The following DLC1 variants were observed in gnomAD, a reference collection of about 807,000 sequenced individuals.
DLC1 encodes the protein DLC1 Rho GTPase activating protein, also known as rho GTPase-activating protein 7.
A neutral mutation model predicts 140.3 loss-of-function variants in DLC1; 54 were observed. The observed-to-expected ratio is 0.38, with a 90% confidence interval of 0.31 to 0.48. The LOEUF is 0.48. DLC1 is among the 20% of genes least tolerant of loss of function. DLC1 has a pLI of 0.96. For synonymous variants in DLC1, 986 were observed against 728.1 expected, an observed-to-expected ratio of 1.35 and a Z score of -5.70; for missense variants, 2,536 against 1,907.0, an observed-to-expected ratio of 1.33 and a Z score of -6.14.
At chr8:13,152,689 C>G (rs1585781919) in intron 5 of DLC1, among the ~76,000 whole-genome samples, 1 of 151,772 alleles carries the variant, frequency 6.6e-6, no homozygotes, top group South Asian at 2.1e-4. Flanking sequence ...GGCCCATAGT[C>G]CCAGCTACTG....
At chr8:13,300,764 T>G (rs1468276704) in intron 5 of DLC1, among the ~76,000 whole-genome samples, 2 of 152,184 alleles carry the variant, frequency 1.3e-5, no homozygotes, top group Non-Finnish European at 1.5e-5. Context: ...CAGTTTAATT[T>G]TACTCTGTGG....
chr8:13,602,590 G>A (rs1805925604), intron 1 of DLC1, among the ~76,000 whole-genome samples: 1 of 151,750 alleles, frequency 6.6e-6, no homozygotes, highest in East Asian at 1.9e-4. Context: ...AAACAAGAAT[G>A]ACTCTATGTG....
intron 2 of DLC1, among the ~76,000 whole-genome samples, chr8:13,431,619 T>C (rs1286357745): frequency 6.6e-6 from 1 of 150,592 alleles, no homozygotes; most frequent in Non-Finnish European, 1.5e-5. Flanking sequence ...ATGGCAAATA[T>C]GGCTACCTGA....
chr8:13,284,151 A>G (rs918607875), intron 5 of DLC1, among the ~76,000 whole-genome samples: 1 of 152,222 alleles, frequency 6.6e-6, no homozygotes, highest in African/African-American at 2.4e-5. Flanking sequence ...AATCCCCAGA[A>G]GAGTCAAATC....
chr8:13,316,189 G>T (rs1832853960), intron 4 of DLC1, among the ~76,000 whole-genome samples: 1 of 152,110 alleles, frequency 6.6e-6, no homozygotes, highest in Non-Finnish European at 1.5e-5. Flanking sequence ...CTCCCTACCA[G>T]CCACTTGATC....
chr8:13,567,093 T>C, intron 1 of DLC1: 1 of 1,551,752 alleles, frequency 6.4e-7, no homozygotes, highest in Non-Finnish European at 8.7e-7. Flanking sequence ...AGGTACAGAC[T>C]TCCAGCTCAT....
chr8:13,157,305 C>A (rs764379171), intron 5 of DLC1, among the ~76,000 whole-genome samples: 1 of 151,906 alleles, frequency 6.6e-6, no homozygotes, highest in South Asian at 2.1e-4. Flanking sequence ...TTTGAGTAGG[C>A]GGGGTTAGAG....
At chr8:13,288,652 A>G (rs1332674037) in intron 5 of DLC1, among the ~76,000 whole-genome samples, 1 of 152,208 alleles carries the variant, frequency 6.6e-6, no homozygotes, top group East Asian at 1.9e-4. Context: ...GCATCCTCAA[A>G]GGATGTGCCA....
chr8:13,193,713 G>C (rs1262738677), intron 5 of DLC1, among the ~76,000 whole-genome samples: 1 of 152,192 alleles, frequency 6.6e-6, no homozygotes. Flanking sequence ...GTGAAAGGAT[G>C]ATTCAACCTC....
At position 13,193,659 on chromosome 8, in the gene DLC1, A is replaced by C. The variant is rs566987179; in HGVS notation, c.1349-78002T>G. On this transcript the variant is annotated intron_variant, in intron 5 of 17. Transcript: ENST00000276297. ...ACGGAAGTTCATAGGAATATCTTCC[A>C]AAAAAGCTCTGGCCAGAACCAAAGG... Among the ~76,000 whole-genome samples the C allele has an allele frequency of 3.9e-5, 6 of 152,312 alleles. No homozygotes were observed. The East Asian group carries it at 9.7e-4, about 25-fold the overall frequency.
intron 2 of DLC1, among the ~76,000 whole-genome samples, chr8:13,450,475 AGG>A (rs1798989826): frequency 6.7e-6 from 1 of 149,264 alleles, no homozygotes; most frequent in African/African-American, 2.4e-5. Context: ...AAAAAAAAAA[AGG>A]CCGAAGAGAA....
intron 2 of DLC1, among the ~76,000 whole-genome samples, chr8:13,411,007 C>G (rs753083480): frequency 6.6e-6 from 1 of 152,176 alleles, no homozygotes; most frequent in Non-Finnish European, 1.5e-5. Context: ...AGAGCTGATT[C>G]TTGGAAAACG....
intron 2 of DLC1, among the ~76,000 whole-genome samples, chr8:13,419,533 T>C (rs1301900901): frequency 6.6e-6 from 1 of 152,208 alleles, no homozygotes; most frequent in Non-Finnish European, 1.5e-5. Flanking sequence ...TTTGCGTATA[T>C]TGAACCACCT....
chr8:13,326,857 C>G (rs1833370469), intron 4 of DLC1, among the ~76,000 whole-genome samples: 1 of 152,194 alleles, frequency 6.6e-6, no homozygotes, highest in Non-Finnish European at 1.5e-5. Context: ...GGAGAACATG[C>G]TGGTGTGATT....
rs775273318 is a variant in DLC1, at chr8:13,088,562, T to C, written c.4217A>G (p.Asp1406Gly). ...ATACTGGTAAATTTCAGTTTGGCTG[T>C]CCAGAATTTCGATCACTTTTGAATC... ...LLDSKVIEIL[D>G]SQTEIYQYVQ... Residue 1406 changes from aspartate (D) to glycine (G), a missense_variant, in exon 16 of 18, where the codon GAC becomes GGC. By Grantham distance (94) the Asp-to-Gly change is moderately conservative (BLOSUM62 -1). Coordinates refer to ENST00000276297, the MANE Select transcript of DLC1 (RefSeq NM_182643.3). The C allele has an allele frequency of 2.5e-6, 4 of 1,614,228 alleles. No homozygotes were observed. In the Admixed American group the frequency reaches 6.7e-5, roughly 27 times the overall value.
Position 13,137,270 on chromosome 8 carries a change from C to T in DLC1, c.1349-21613G>A, listed in dbSNP as rs571565339. Among the ~76,000 whole-genome samples, 28 of 152,202 alleles carry T rather than the reference C, an allele frequency of 1.8e-4. No individual in the cohort carries two copies. In the South Asian group the frequency reaches 1.9e-3, roughly 10 times the overall value. On this transcript the variant is annotated intron_variant, in intron 5 of 17. Transcript: ENST00000276297. ...CAAGGTTTCATCTGTCTCTGTCATA[C>T]GTTAGAAGTTAATGTTAGATAACGT...
intron 4 of DLC1, among the ~76,000 whole-genome samples, chr8:13,335,905 A>AT (rs5889437): frequency 0.85 from 129,616 of 151,846 alleles, 55,772 homozygotes; most frequent in East Asian, 0.95. Flanking sequence ...TCAAAATATG[A>AT]TTTTTTTGCA....
chr8:13,279,149 G>A (rs1016194345), intron 5 of DLC1, among the ~76,000 whole-genome samples: 1 of 152,168 alleles, frequency 6.6e-6, no homozygotes, highest in Non-Finnish European at 1.5e-5. Flanking sequence ...CCTAGGGTGT[G>A]GCAGAATCCT....
intron 2 of DLC1, among the ~76,000 whole-genome samples, chr8:13,458,726 C>A (rs1369748134): frequency 1.3e-5 from 2 of 152,088 alleles, no homozygotes; most frequent in African/African-American, 2.4e-5. Flanking sequence ...ATTATGATTT[C>A]TTTCCCTCAA....
Sources: gnomAD v4.1 joint callset for allele counts (sites outside exome capture counted in the v4.1 genomes callset) on GRCh38, gnomAD v4.1.1 for gene constraint, MANE v1.5 for transcripts, NCBI Gene and HGNC (gene_info 2026-07-23, HGNC 2026-07-21) for gene names.